The following USP8 variants were observed in gnomAD, a reference collection of about 807,000 sequenced individuals.
USP8 encodes the protein ubiquitin carboxyl-terminal hydrolase 8.
USP8 carries 27 observed loss-of-function variants against 130.0 expected under a neutral mutation model. The observed-to-expected ratio is 0.21, with a 90% confidence interval of 0.15 to 0.29. The LOEUF (loss-of-function observed/expected upper bound fraction) is 0.29. Among genes scored for constraint, USP8 ranks in the 10% least tolerant of loss-of-function variants. The pLI is 1.00. For missense variants in USP8, 1,029 were observed against 1,312.2 expected (o/e 0.78, Z 3.33); for synonymous variants, 392 against 444.1 (o/e 0.88, Z 1.48).
At chr15:50,489,327 A>C (rs73405120) in intron 12 of USP8, among the ~76,000 whole-genome samples, 4 of 152,188 alleles carry the variant, frequency 2.6e-5, no homozygotes, top group Admixed American at 6.5e-5. Flanking sequence ...TATAACGTCT[A>C]TTCTCTACTT....
chr15:50,425,250 A>G (rs2049674868), intron 1 of USP8, among the ~76,000 whole-genome samples: 2 of 152,242 alleles, frequency 1.3e-5, no homozygotes, highest in Admixed American at 1.3e-4. Context: ...ATTTGTTAAG[A>G]GACCTGAGGG....
At chr15:50,445,464 T>G (rs2050396805) in intron 3 of USP8, among the ~76,000 whole-genome samples, 1 of 137,912 alleles carries the variant, frequency 7.3e-6, no homozygotes, top group Non-Finnish European at 1.5e-5. Flanking sequence ...GGGAATCGCT[T>G]GAACCTGGGA....
intron 7 of USP8, among the ~76,000 whole-genome samples, chr15:50,469,945 C>T (rs2051323028): frequency 6.6e-6 from 1 of 151,828 alleles, no homozygotes; most frequent in South Asian, 2.1e-4. Context: ...TATTCTCCTG[C>T]CTCAGCCTCC....
chr15:50,456,779 G>A (rs1012902909), intron 4 of USP8, among the ~76,000 whole-genome samples: 5 of 152,104 alleles, frequency 3.3e-5, no homozygotes, highest in African/African-American at 7.2e-5. Context: ...CCAGCTACTC[G>A]GGAGGCTGAG....
In USP8 at chr15:50,511,122, A is replaced by T. The variant is rs1314700347; in HGVS notation, c.*12034A>T. Reference sequence around the variant, plus strand: ...TGTACAATTCTTTCAGATTTTCTGAATGTTTGCAAAGTTTTATTTTAAAAA... The same window carrying T: ...TGTACAATTCTTTCAGATTTTCTGATTGTTTGCAAAGTTTTATTTTAAAAA... On this transcript the variant is annotated 3_prime_UTR_variant, in exon 20 of 20. Coordinates refer to ENST00000307179, the MANE Select transcript of USP8 (RefSeq NM_005154.5). 2.6e-5 allele frequency: 4 copies of T among 152,208 alleles called. No homozygotes were observed. The highest frequency in any genetic ancestry group is 1.3e-4 in the Admixed American group (2 of 15,270). 9.4% of individuals were successfully genotyped at this position (152,208 alleles called of 1,614,324 possible). A position where few individuals can be genotyped will look rare whatever the true frequency, so the allele number is the denominator to read the frequency against.
chr15:50,429,606 C>T (rs373096640), intron 1 of USP8, among the ~76,000 whole-genome samples: 38 of 152,136 alleles, frequency 2.5e-4, no homozygotes, highest in African/African-American at 8.9e-4. Flanking sequence ...GAGACCTAGG[C>T]AGGAGGATCA....
At chr15:50,432,254 T>TAAATTTTTTGTA (rs2049956599) in intron 1 of USP8, 1 of 152,246 alleles carries the variant, frequency 6.6e-6, no homozygotes, top group Non-Finnish European at 1.5e-5. Flanking sequence ...AGCTAATTTT[T>TAAATTTTTTGTA]AAATTTTTTG....
Position 50,500,711 on chromosome 15 carries a change from T to C in USP8, c.*1623T>C, listed in dbSNP as rs998700140. 14 of 1,492,380 alleles carry C rather than the reference T, an allele frequency of 9.4e-6. No individual in the cohort carries two copies. Among genetic ancestry groups the C allele is most frequent in the Admixed American group, 3.9e-5 (2 of 51,062 alleles). The allele number at this position is 1,492,380 out of a possible 1,614,324, so 92.4% of individuals were successfully genotyped here. On this transcript the variant is annotated 3_prime_UTR_variant, in exon 20 of 20. Coordinates refer to ENST00000307179, the MANE Select transcript of USP8 (RefSeq NM_005154.5). ...TGGCAGCTATAGAACAGGAGATCCA[T>C]AGCATTTTGAACAGAAGTATCTGGA...
Position 50,507,783 on chromosome 15 carries a change from A to C in USP8, c.*8695A>C, listed in dbSNP as rs2052681878. On this transcript the variant is annotated 3_prime_UTR_variant, in exon 20 of 20. Transcript: ENST00000307179. ...CTGTCTCAACAAATGTAAAAGAGTTAGTTTAGGCCAGGCACGGTGGCTCAT... is the reference window on the plus strand; with the variant it reads ...CTGTCTCAACAAATGTAAAAGAGTTCGTTTAGGCCAGGCACGGTGGCTCAT... 1 of 152,154 alleles carries C rather than the reference A, an allele frequency of 6.6e-6. No individual in the cohort carries two copies. The highest frequency in any genetic ancestry group is 2.4e-5 in the African/African-American group (1 of 41,438). The allele number at this position is 152,154 out of a possible 1,614,324, so 9.4% of individuals were successfully genotyped here.
rs534732295 is a variant in USP8, at chr15:50,513,978, C to T, written c.*14890C>T. The T allele has an allele frequency of 2.0e-5, 3 of 152,252 alleles. No individual in the cohort carries two copies. The highest frequency in any genetic ancestry group is 7.2e-5 in the African/African-American group (3 of 41,528). The allele number at this position is 152,252 out of a possible 1,614,324, so 9.4% of individuals were successfully genotyped here. On this transcript the variant is annotated 3_prime_UTR_variant, in exon 20 of 20. Transcript: ENST00000307179. ...AAAAAACAAGAATGTTTATAGCAAC[C>T]CTCTTTGCATTAGTCAAAAGCTAGT...
chr15:50,433,499 A>G (rs1296508581), intron 1 of USP8, among the ~76,000 whole-genome samples: 2 of 152,032 alleles, frequency 1.3e-5, no homozygotes, highest in African/African-American at 4.8e-5. Flanking sequence ...TGCAAACCTC[A>G]TTTTTCACTT....
Position 50,506,830 on chromosome 15 carries a change from C to CT in USP8, c.*7742_*7743insT, listed in dbSNP as rs1330154454. On this transcript the variant is annotated 3_prime_UTR_variant, in exon 20 of 20. Transcript: ENST00000307179. ...AAAATTAGCCGGGCATGGTGGCAGG[C>CT]GCCTATAGTCCCAGCTACTCCGGAG... The CT allele has an allele frequency of 1.6e-4, 25 of 151,636 alleles. No individual in the cohort carries two copies. Among genetic ancestry groups the CT allele is most frequent in the Non-Finnish European group, 2.9e-4 (20 of 68,082 alleles). 9.4% of individuals were successfully genotyped at this position (151,636 alleles called of 1,614,324 possible). A position where few individuals can be genotyped will look rare whatever the true frequency, so the allele number is the denominator to read the frequency against.
rs776466551 is a variant in USP8, at chr15:50,497,124, C to G, written c.2931C>G (p.Leu977=). The G allele has an allele frequency of 6.2e-7, 1 of 1,605,048 alleles. No homozygotes were observed. The highest frequency in any genetic ancestry group is 8.5e-7 in the Non-Finnish European group (1 of 1,176,674). Reference sequence around the variant, plus strand: ...GATTATTTTCCAAAGAAGAAAAACTCACAGATAACAACAGATTTTACTGCA... The same window carrying G: ...GATTATTTTCCAAAGAAGAAAAACTGACAGATAACAACAGATTTTACTGCA... The part of the protein sequence containing the change: ...CLRLFSKEEK[L]TDNNRFYCSH... The change falls in exon 18 of 20, where the codon CTC becomes CTG. Residue 977 remains leucine (L), a synonymous_variant. Coordinates refer to ENST00000307179, the MANE Select transcript of USP8 (RefSeq NM_005154.5).
chr15:50,461,565 A>C (rs1259705954), intron 5 of USP8, among the ~76,000 whole-genome samples: 2 of 152,136 alleles, frequency 1.3e-5, no homozygotes, highest in Non-Finnish European at 2.9e-5. Context: ...AAAAATGTAA[A>C]CTACATAGGC....
intron 11 of USP8, among the ~76,000 whole-genome samples, chr15:50,483,576 C>T (rs905546906): frequency 3.9e-5 from 6 of 152,232 alleles, no homozygotes; most frequent in African/African-American, 1.4e-4. Context: ...GAGCGGATCA[C>T]TTGGTCAGGA....
chr15:50,473,135 G>T (rs2051437313), intron 8 of USP8, among the ~76,000 whole-genome samples: 2 of 152,148 alleles, frequency 1.3e-5, no homozygotes, highest in Non-Finnish European at 2.9e-5. Context: ...TCAGATAAAT[G>T]CATATTAAAA....
chr15:50,456,137 C>A (rs947086483), intron 4 of USP8, among the ~76,000 whole-genome samples: 1 of 152,188 alleles, frequency 6.6e-6, no homozygotes, highest in African/African-American at 2.4e-5. Flanking sequence ...AATTAGAATT[C>A]TCTTTCCTAC....
At chr15:50,493,153 A>T in intron 15 of USP8, 2 of 595,290 alleles carry the variant, frequency 3.4e-6, no homozygotes, top group Admixed American at 4.3e-5. Context: ...GAAAGAGGAC[A>T]GACTCGTCCT....
chr15:50,481,975 G>A lies in USP8; in HGVS notation c.1713G>A (p.Arg571=), dbSNP rs762449215. 7.5e-6 allele frequency: 12 copies of A among 1,599,262 alleles called. No individual in the cohort carries two copies. Among genetic ancestry groups the A allele is most frequent in the Non-Finnish European group, 9.4e-6 (11 of 1,176,124 alleles). Residue 571 remains arginine (R), a synonymous_variant, in exon 11 of 20, where the codon AGG becomes AGA. Coordinates refer to ENST00000307179, the MANE Select transcript of USP8 (RefSeq NM_005154.5). ...ATGCCAAGAAATCTGTAGAAGATAG[G>A]GGGAAAAGGTGTCCAACCCCAGAAA... The part of the protein sequence containing the change: ...TSDAKKSVED[R]GKRCPTPEIQ...
Sources: gnomAD v4.1 joint callset for allele counts (sites outside exome capture counted in the v4.1 genomes callset) on GRCh38, gnomAD v4.1.1 for gene constraint, MANE v1.5 for transcripts, NCBI Gene and HGNC (gene_info 2026-07-23, HGNC 2026-07-21) for gene names.